PDE1C: variants seen among roughly 807,000 people sequenced by gnomAD.
PDE1C encodes the protein phosphodiesterase 1C.
A neutral mutation model predicts 93.1 loss-of-function variants in PDE1C; 62 were observed. The ratio of observed to expected loss-of-function variants is 0.67; its 90% CI spans 0.54 to 0.82. The LOEUF (loss-of-function observed/expected upper bound fraction) is 0.82. Among genes scored for constraint, PDE1C ranks in the 40% least tolerant of loss-of-function variants. PDE1C has a pLI of 0.00. For synonymous variants in PDE1C, 325 were observed against 310.1 expected (o/e 1.05, Z -0.50); for missense variants, 742 against 884.6 (o/e 0.84, Z 2.04).
At chr7:32,274,149 T>C (rs1811139671) in intron 1 of PDE1C, among the ~76,000 whole-genome samples, 1 of 152,094 alleles carries the variant, frequency 6.6e-6, no homozygotes, top group Non-Finnish European at 1.5e-5. Context: ...TTCATTCAAA[T>C]GAAATTTTAC....
intron 2 of PDE1C, among the ~76,000 whole-genome samples, chr7:31,924,838 CCAAT>C (rs1218755813): frequency 2.0e-5 from 3 of 152,208 alleles, no homozygotes; most frequent in Non-Finnish European, 4.4e-5. Context: ...TCAATCCCAA[CCAAT>C]CAAGAAGCTT....
intron 1 of PDE1C, among the ~76,000 whole-genome samples, chr7:32,368,874 C>T (rs1784273143): frequency 1.3e-5 from 2 of 152,106 alleles, no homozygotes; most frequent in South Asian, 2.1e-4. Context: ...TGAACAAAAG[C>T]ACCAGGAACA....
intron 2 of PDE1C, among the ~76,000 whole-genome samples, chr7:32,009,115 T>A (rs13232362): frequency 6.6e-6 from 1 of 152,136 alleles, no homozygotes; most frequent in African/African-American, 2.4e-5. Context: ...CATAAAACAA[T>A]GGCTTTCAAA....
chr7:31,624,172 A>G, the PDE1C span, among the ~76,000 whole-genome samples: 2 of 150,460 alleles, frequency 1.3e-5, no homozygotes, highest in Admixed American at 6.6e-5. Context: ...GGAAGAGTCA[A>G]TATCGTGAAA....
chr7:32,383,979 T>C (rs1246861048), intron 1 of PDE1C, among the ~76,000 whole-genome samples: 2 of 152,240 alleles, frequency 1.3e-5, no homozygotes, highest in African/African-American at 2.4e-5. Context: ...AGAATAGATC[T>C]GTTTGAACAC....
intron 3 of PDE1C, among the ~76,000 whole-genome samples, chr7:32,112,844 G>GTATATATA (rs1227112323): frequency 7.4e-5 from 4 of 54,138 alleles, no homozygotes; most frequent in Admixed American, 3.4e-4. Context: ...GTGTGTGTGT[G>GTATATATA]TGTATATATA....
At chr7:31,927,604 G>C (rs911794893) in intron 2 of PDE1C, among the ~76,000 whole-genome samples, 1 of 152,216 alleles carries the variant, frequency 6.6e-6, no homozygotes, top group Non-Finnish European at 1.5e-5. Flanking sequence ...GGAAGAAGCA[G>C]GCAGCAATCT....
rs1172879543 is a variant in PDE1C, at chr7:31,766,301, G to A, written c.1960+9363C>T. ...CGGGAAGCTGAGGCAGGAGAATGGC[G>A]TGAACCTGGGAGGCGGAGCTTGCAG... On this transcript the variant is annotated intron_variant, in intron 17 of 17. Coordinates refer to ENST00000396191, the MANE Select transcript of PDE1C (RefSeq NM_001191057.4). 2.6e-5 allele frequency among the ~76,000 whole-genome samples: 4 copies of A among 151,844 alleles called. No individual in the cohort carries two copies. The East Asian group carries it at 5.8e-4, about 22-fold the overall frequency.
At chr7:31,738,914 A>G in the PDE1C span, among the ~76,000 whole-genome samples, 1 of 152,032 alleles carries the variant, frequency 6.6e-6, no homozygotes, top group East Asian at 1.9e-4. Flanking sequence ...TGTGCCATGG[A>G]GACCTTCTCA....
At chr7:31,617,817 AGACTATTTAAG>A in the PDE1C span, among the ~76,000 whole-genome samples, 6 of 152,208 alleles carry the variant, frequency 3.9e-5, no homozygotes, top group Non-Finnish European at 8.8e-5. Flanking sequence ...AAATATTTGG[AGACTATTTAAG>A]TTTCAGAAGA....
chr7:32,331,883 TC>T (rs1783523244), intron 1 of PDE1C, among the ~76,000 whole-genome samples: 1 of 152,120 alleles, frequency 6.6e-6, no homozygotes, highest in Non-Finnish European at 1.5e-5. Context: ...GTAGGGCCAG[TC>T]CTATCCCTTG....
the PDE1C span, among the ~76,000 whole-genome samples, chr7:31,650,711 C>T: frequency 6.6e-6 from 1 of 152,154 alleles, no homozygotes. Context: ...CAAACACATA[C>T]CAGCTGAACA....
intron 2 of PDE1C, among the ~76,000 whole-genome samples, chr7:32,016,191 A>G (rs1372717165): frequency 6.6e-6 from 1 of 152,232 alleles, no homozygotes; most frequent in Non-Finnish European, 1.5e-5. Flanking sequence ...AGGAGAAGTC[A>G]CGGAGCCATA....
downstream of PDE1C, among the ~76,000 whole-genome samples, chr7:31,748,784 C>T (rs1794058428): frequency 6.6e-6 from 1 of 152,214 alleles, no homozygotes; most frequent in South Asian, 2.1e-4. Context: ...AGCCTTCACC[C>T]ACTCCCACCC....
At chr7:32,298,279 G>A (rs1023078074) in intron 1 of PDE1C, among the ~76,000 whole-genome samples, 12 of 151,882 alleles carry the variant, frequency 7.9e-5, no homozygotes, top group Non-Finnish European at 1.5e-4. Flanking sequence ...GTCGCTTTCT[G>A]TCTCCCTCTC....
At chr7:32,408,224 C>T (rs1031382741) in intron 1 of PDE1C, among the ~76,000 whole-genome samples, 3 of 152,190 alleles carry the variant, frequency 2.0e-5, no homozygotes, top group African/African-American at 4.8e-5. Context: ...CTGTGACCTA[C>T]CTGCTCCATC....
chr7:31,889,570 C>T (rs1289823224), intron 2 of PDE1C, among the ~76,000 whole-genome samples: 1 of 152,182 alleles, frequency 6.6e-6, no homozygotes, highest in Non-Finnish European at 1.5e-5. Flanking sequence ...TTTCGTGAAG[C>T]TATGCCACAG....
chr7:31,828,973 T>C (rs1790042808), intron 11 of PDE1C, among the ~76,000 whole-genome samples: 1 of 152,168 alleles, frequency 6.6e-6, no homozygotes, highest in South Asian at 2.1e-4. Context: ...GTCTAACCAA[T>C]ATATTCTCAA....
chr7:32,302,356 G>A (rs1812901179), upstream of PDE1C, among the ~76,000 whole-genome samples: 1 of 152,184 alleles, frequency 6.6e-6, no homozygotes, highest in Non-Finnish European at 1.5e-5. Context: ...CCTAATAATT[G>A]TTTGATCCAG....
Sources: gnomAD v4.1 joint callset for allele counts (sites outside exome capture counted in the v4.1 genomes callset) on GRCh38, gnomAD v4.1.1 for gene constraint, MANE v1.5 for transcripts, NCBI Gene and HGNC (gene_info 2026-07-23, HGNC 2026-07-21) for gene names.